The following CORO2B variants were observed in gnomAD, a reference collection of about 807,000 sequenced individuals.
CORO2B encodes the protein coronin 2B.
Under a neutral mutation model 58.8 loss-of-function variants are expected in CORO2B, and 26 were observed. That is an observed-to-expected ratio of 0.44 (90% confidence interval 0.32 to 0.61). The LOEUF (loss-of-function observed/expected upper bound fraction) is 0.61. CORO2B is among the 20% of genes least tolerant of loss of function. The pLI, the probability that CORO2B is intolerant of heterozygous loss-of-function variation, is 0.04. For missense variants in CORO2B, 460 were observed against 645.1 expected, an observed-to-expected ratio of 0.71 and a Z score of 3.11; for synonymous variants, 242 against 253.8, an observed-to-expected ratio of 0.95 and a Z score of 0.44.
chr15:68,544,237 G>C, the CORO2B span, among the ~76,000 whole-genome samples: 1 of 152,184 alleles, frequency 6.6e-6, no homozygotes, highest in African/African-American at 2.4e-5. Flanking sequence ...CTGTAAAAGG[G>C]AGATACTGAT....
intron 2 of CORO2B, among the ~76,000 whole-genome samples, chr15:68,656,351 G>T (rs1901808178): frequency 6.6e-6 from 1 of 151,876 alleles, no homozygotes; most frequent in African/African-American, 2.4e-5. Context: ...ACTCAGCCAA[G>T]ACCTTGATTT....
Position 68,669,911 on chromosome 15 carries a change from G to A in CORO2B, c.216+24551G>A, listed in dbSNP as rs10450990. 1.6e-3 allele frequency among the ~76,000 whole-genome samples: 247 copies of A among 151,868 alleles called. 1 individual carries two copies. The highest frequency in any genetic ancestry group is 5.7e-3 in the African/African-American group (238 of 41,452). On this transcript the variant is annotated intron_variant, in intron 2 of 11. Transcript: ENST00000261861. ...ATCTCTACTAAAAATACAAAAATTAGCCAGGCATGATGGCGCATGCCTGTA... is the reference window on the plus strand; with the variant it reads ...ATCTCTACTAAAAATACAAAAATTAACCAGGCATGATGGCGCATGCCTGTA...
At chr15:68,523,384 T>TG in the CORO2B span, among the ~76,000 whole-genome samples, 2 of 151,908 alleles carry the variant, frequency 1.3e-5, no homozygotes, top group African/African-American at 4.8e-5. Flanking sequence ...TTTGTAGAGA[T>TG]GGGGGTCTCC....
Position 68,711,839 on chromosome 15 carries a change from C to T in CORO2B, c.648+133C>T, listed in dbSNP as rs942796169. The T allele has an allele frequency of 2.6e-5, 28 of 1,057,122 alleles. 1 individual carries two copies. In the African/African-American group the frequency reaches 4.5e-4, roughly 17 times the overall value. 65.5% of individuals were successfully genotyped at this position (1,057,122 alleles called of 1,614,324 possible). A position where few individuals can be genotyped will look rare whatever the true frequency, so the allele number is the denominator to read the frequency against. On this transcript the variant is annotated intron_variant, in intron 5 of 11. Coordinates refer to ENST00000261861, the MANE Select transcript of CORO2B (RefSeq NM_006091.5). ...ATCTCACTGCACCTCTGTTGAACAA[C>T]CTTTCTCTCTCCTGGGCCCTTCTCA...
Position 68,617,983 on chromosome 15 carries a change from C to G in CORO2B, c.16-27177C>G, listed in dbSNP as rs138839440. On this transcript the variant is annotated intron_variant, in intron 1 of 11. Transcript: ENST00000261861. ...ATATTTATTGAGCATCTACTATGTC[C>G]CAAGCTTCCTACTAAGTGCTGGGGA... 4.0e-4 allele frequency among the ~76,000 whole-genome samples: 61 copies of G among 152,238 alleles called. No individual in the cohort carries two copies. The East Asian group carries it at 6.4e-3, about 16-fold the overall frequency.
the CORO2B span, among the ~76,000 whole-genome samples, chr15:68,539,259 A>C: frequency 6.6e-6 from 1 of 152,212 alleles, no homozygotes; most frequent in Admixed American, 6.5e-5. Context: ...CCACTGTGCC[A>C]GCTGGCAAAA....
At chr15:68,539,078 G>A in the CORO2B span, among the ~76,000 whole-genome samples, 2 of 152,202 alleles carry the variant, frequency 1.3e-5, no homozygotes, top group Non-Finnish European at 2.9e-5. Context: ...ATGCCCACAG[G>A]CTTCTAGAGG....
At chr15:68,681,481 T>C (rs2415022) in intron 2 of CORO2B, among the ~76,000 whole-genome samples, 27,175 of 151,930 alleles carry the variant, frequency 0.18, 2,989 homozygotes, top group Non-Finnish European at 0.24. Context: ...TGTGTTTCTG[T>C]CAGAGAAGAA....
intron 3 of CORO2B, among the ~76,000 whole-genome samples, chr15:68,709,065 G>A (rs1165903759): frequency 6.6e-6 from 1 of 152,186 alleles, no homozygotes; most frequent in African/African-American, 2.4e-5. Flanking sequence ...TTGATATAAT[G>A]TATTACATTG....
intron 1 of CORO2B, among the ~76,000 whole-genome samples, chr15:68,626,648 C>G (rs764795348): frequency 5.3e-5 from 8 of 152,206 alleles, no homozygotes; most frequent in Non-Finnish European, 1.2e-4. Flanking sequence ...GCTTCTAGAG[C>G]AGTGGCTTTT....
Position 68,709,606 on chromosome 15 carries a change from G to A in CORO2B, c.334-1126G>A, listed in dbSNP as rs575249611. Among the ~76,000 whole-genome samples, 20 of 151,928 alleles carry A rather than the reference G, an allele frequency of 1.3e-4. No homozygotes were observed. The South Asian group carries it at 1.9e-3, about 14-fold the overall frequency. ...CGAGTAGCTGGGACTATAAGCGTGC[G>A]CCACTACACCCGGCTAATTTTTGTT... On this transcript the variant is annotated intron_variant, in intron 3 of 11. Coordinates refer to ENST00000261861, the MANE Select transcript of CORO2B (RefSeq NM_006091.5).
At chr15:68,675,767 C>T (rs1242071509) in intron 2 of CORO2B, among the ~76,000 whole-genome samples, 2 of 152,164 alleles carry the variant, frequency 1.3e-5, no homozygotes, top group African/African-American at 4.8e-5. Flanking sequence ...TGCAATTCCA[C>T]CTCCTGGAAG....
chr15:68,562,693 G>A, the CORO2B span, among the ~76,000 whole-genome samples: 60 of 152,280 alleles, frequency 3.9e-4, no homozygotes, highest in African/African-American at 1.4e-3. Flanking sequence ...AATGAAAACA[G>A]GCCAGGCACG....
chr15:68,679,723 T>G (rs1169112438), intron 2 of CORO2B, among the ~76,000 whole-genome samples: 1 of 152,026 alleles, frequency 6.6e-6, no homozygotes, highest in Non-Finnish European at 1.5e-5. Context: ...ATATGTTCCT[T>G]CTCCCACTAC....
intron 2 of CORO2B, among the ~76,000 whole-genome samples, chr15:68,658,924 T>C (rs1201104113): frequency 6.6e-6 from 1 of 152,232 alleles, no homozygotes; most frequent in Non-Finnish European, 1.5e-5. Context: ...GCAGCCAGCT[T>C]TCTCTCCTAC....
intron 1 of CORO2B, among the ~76,000 whole-genome samples, chr15:68,643,645 T>C (rs913962440): frequency 1.3e-5 from 2 of 152,194 alleles, no homozygotes; most frequent in Admixed American, 6.5e-5. Context: ...GAGAATTTGC[T>C]TGAAGGTGAG....
intron 1 of CORO2B, among the ~76,000 whole-genome samples, chr15:68,608,531 C>T (rs112208742): frequency 3.9e-5 from 6 of 152,068 alleles, no homozygotes; most frequent in Non-Finnish European, 7.4e-5. Flanking sequence ...TGCACGCGTG[C>T]GTGTGTGTGT....
intron 1 of CORO2B, among the ~76,000 whole-genome samples, chr15:68,628,574 T>C (rs978225031): frequency 2.6e-5 from 4 of 152,248 alleles, no homozygotes; most frequent in Admixed American, 2.6e-4. Flanking sequence ...TTACAATAGC[T>C]ACATGTATTA....
At chr15:68,703,150 CTTTTTTTTTTTTTTTTTTT>C (rs2140320290) in intron 3 of CORO2B, among the ~76,000 whole-genome samples, 1 of 100,138 alleles carries the variant, frequency 1.0e-5, no homozygotes, top group East Asian at 3.2e-4. Flanking sequence ...TTCTTTTTTT[CTTTTTTTTTTTTTTTTTTT>C]GAGACGGAGT....
Sources: allele counts gnomAD v4.1 joint callset (sites outside exome capture counted in the v4.1 genomes callset), GRCh38; gene constraint gnomAD v4.1.1; transcripts MANE v1.5; gene names NCBI Gene and HGNC (gene_info 2026-07-23, HGNC 2026-07-21).